C21orf91: variants seen among roughly 807,000 people sequenced by gnomAD.
C21orf91 encodes chromosome 21 open reading frame 91.
A neutral mutation model predicts 32.9 loss-of-function variants in C21orf91; 26 were observed. The observed-to-expected ratio is 0.79, with a 90% confidence interval of 0.58 to 1.10. The LOEUF is 1.10. Ranked by LOEUF, C21orf91 falls within the 50% of genes least tolerant of loss-of-function variation. The pLI, the probability that C21orf91 is intolerant of heterozygous loss-of-function variation, is 0.00. For synonymous variants in C21orf91, 126 were observed against 120.4 expected (o/e 1.05, Z -0.31); for missense variants, 310 against 341.3 (o/e 0.91, Z 0.72).
chr21:17,796,676 A>T lies in C21orf91; in HGVS notation c.570T>A (p.Pro190=). 1 of 1,613,478 alleles carries T rather than the reference A, an allele frequency of 6.2e-7. No individual in the cohort carries two copies. Among genetic ancestry groups the T allele is most frequent in the African/African-American group, 1.3e-5 (1 of 75,040 alleles). ...ATLCRNSVLW[P]HSHNQAQKKE... is the part of the protein sequence containing the mutation. ...TTTTCTGTGCCTGGTTGTGACTATGAGGCCACAATACACTGTTACGACATA... is the reference window on the plus strand; with the variant it reads ...TTTTCTGTGCCTGGTTGTGACTATGTGGCCACAATACACTGTTACGACATA... The change falls in exon 3 of 5, where the codon CCT becomes CCA. Residue 190 remains proline, a synonymous_variant. Transcript: ENST00000284881.
At chr21:17,802,536 T>A (rs1001493931) in intron 2 of C21orf91, among the ~76,000 whole-genome samples, 1 of 152,222 alleles carries the variant, frequency 6.6e-6, no homozygotes, top group Non-Finnish European at 1.5e-5. Flanking sequence ...AATTCACCAA[T>A]TGTAGGAACA....
At chr21:17,810,060 T>C (rs1414159169) in intron 2 of C21orf91, among the ~76,000 whole-genome samples, 1 of 152,324 alleles carries the variant, frequency 6.6e-6, no homozygotes, top group African/African-American at 2.4e-5. Flanking sequence ...TCCTAACAGA[T>C]GGTATGACAA....
At position 17,793,281 on chromosome 21, in the gene C21orf91, G is replaced by T; in HGVS notation, c.*134C>A. 1.8e-6 allele frequency: 1 copy of T among 563,352 alleles called. No individual in the cohort carries two copies. The highest frequency in any genetic ancestry group is 3.1e-6 in the Non-Finnish European group (1 of 323,772). The allele number at this position is 563,352 out of a possible 1,614,324, so 34.9% of individuals were successfully genotyped here. ...ATGATCTGCTTTATTTGACAAAGAT[G>T]TTAAATACTGCCTTATGTTTGGCAA... On this transcript the variant is annotated 3_prime_UTR_variant, in exon 5 of 5. Transcript: ENST00000284881.
chr21:17,808,673 T>A (rs972959757), intron 2 of C21orf91, among the ~76,000 whole-genome samples: 2 of 152,232 alleles, frequency 1.3e-5, no homozygotes, highest in Admixed American at 6.5e-5. Context: ...CAGAAAGGAC[T>A]TGCTGTCTCT....
chr21:17,802,556 C>G (rs78483217), intron 2 of C21orf91, among the ~76,000 whole-genome samples: 1 of 151,896 alleles, frequency 6.6e-6, no homozygotes, highest in Non-Finnish European at 1.5e-5. Flanking sequence ...AATTTTTTTT[C>G]GTAACAAAAA....
Position 17,789,392 on chromosome 21 carries a change from C to A in C21orf91, c.*4023G>T, listed in dbSNP as rs1049644153. On this transcript the variant is annotated 3_prime_UTR_variant, in exon 5 of 5. Coordinates refer to ENST00000284881, the MANE Select transcript of C21orf91 (RefSeq NM_001100420.2). Reference sequence around the variant, plus strand: ...AGATGCGTCTGAAAGAAACAAGGTACACACACTTACTAAAATTCCCCTTTG... The same window carrying A: ...AGATGCGTCTGAAAGAAACAAGGTAAACACACTTACTAAAATTCCCCTTTG... 1 of 152,114 alleles carries A rather than the reference C, an allele frequency of 6.6e-6. No individual in the cohort carries two copies. Among genetic ancestry groups the A allele is most frequent in the Non-Finnish European group, 1.5e-5 (1 of 67,996 alleles). The allele number at this position is 152,114 out of a possible 1,614,324, so 9.4% of individuals were successfully genotyped here.
At chr21:17,802,133 T>A (rs1416796997) in intron 2 of C21orf91, among the ~76,000 whole-genome samples, 1 of 152,194 alleles carries the variant, frequency 6.6e-6, no homozygotes. Context: ...ACTACTCAAA[T>A]GTTTAGATGT....
intron 3 of C21orf91, among the ~76,000 whole-genome samples, chr21:17,795,578 T>C (rs2062511292): frequency 6.6e-6 from 1 of 152,164 alleles, no homozygotes; most frequent in South Asian, 2.1e-4. Context: ...TGGGCTCAAG[T>C]GATTCCTCCC....
At chr21:17,799,963 GTAAT>G (rs946380890) in intron 2 of C21orf91, among the ~76,000 whole-genome samples, 5 of 152,120 alleles carry the variant, frequency 3.3e-5, no homozygotes, top group African/African-American at 9.7e-5. Context: ...TACTCAGCGG[GTAAT>G]TAAAGGTGTC....
chr21:17,818,361 C>A (rs1369991848), intron 1 of C21orf91, 36 bp from the exon 2 acceptor site: 78 of 1,566,534 alleles, frequency 5.0e-5, no homozygotes, highest in Non-Finnish European at 6.7e-5. Flanking sequence ...TACACAATTT[C>A]ATGAACCTGC....
In C21orf91 at chr21:17,818,223, GA is replaced by G; in HGVS notation, c.95del (p.Phe32SerfsTer8). ...TATTTAGCTCAAAACAAATGTGGCA[GA>G]AGGAGAGTGTTTCTTTGTCTGTTCC... Reference protein sequence around the residue: ...KLGTDKETLSFCHICFELNIE... With the variant: ...KLGTDKETLSXCHICFELNIE... On this transcript the variant is annotated frameshift_variant, in exon 2 of 5. Coordinates refer to ENST00000284881, the MANE Select transcript of C21orf91 (RefSeq NM_001100420.2). LOFTEE classifies it high-confidence loss of function. 1.9e-6 allele frequency: 3 copies of G among 1,610,112 alleles called. No homozygotes were observed. Among genetic ancestry groups the G allele is most frequent in the Non-Finnish European group, 2.6e-6 (3 of 1,176,426 alleles).
intron 2 of C21orf91, among the ~76,000 whole-genome samples, chr21:17,816,030 G>GT (rs1209789875): frequency 6.6e-6 from 1 of 152,222 alleles, no homozygotes; most frequent in African/African-American, 2.4e-5. Flanking sequence ...ATGCGTATTT[G>GT]TGAGAGCTGA....
chr21:17,795,277 C>T lies in C21orf91; in HGVS notation c.665-7G>A, dbSNP rs1174774714. On this transcript the variant is annotated splice_region_variant and splice_polypyrimidine_tract_variant and intron_variant, in intron 3 of 4. Coordinates refer to ENST00000284881, the MANE Select transcript of C21orf91 (RefSeq NM_001100420.2). ...CCAAGAGTCATCGAATTCACTGAAA[C>T]ATGAAAATGTATTCACTATTACCAC... 1.3e-6 allele frequency: 2 copies of T among 1,591,428 alleles called. No individual in the cohort carries two copies. Among genetic ancestry groups the T allele is most frequent in the South Asian group, 2.2e-5 (2 of 90,650 alleles).
intron 2 of C21orf91, among the ~76,000 whole-genome samples, chr21:17,800,892 GT>G (rs1302469980): frequency 6.6e-6 from 1 of 151,980 alleles, no homozygotes; most frequent in Non-Finnish European, 1.5e-5. Context: ...TAAAGTATGG[GT>G]TTCTTAACAG....
At chr21:17,804,721 C>T (rs1209502154) in intron 2 of C21orf91, among the ~76,000 whole-genome samples, 3 of 152,166 alleles carry the variant, frequency 2.0e-5, no homozygotes, top group Non-Finnish European at 4.4e-5. Flanking sequence ...AGGATTAAAA[C>T]AGTTAATCAA....
In C21orf91 at chr21:17,806,733, G is replaced by A. The variant is rs1320831707; in HGVS notation, c.128-9615C>T. Among the ~76,000 whole-genome samples the A allele has an allele frequency of 3.3e-5, 5 of 152,180 alleles. No homozygotes were observed. In the East Asian group the frequency reaches 5.8e-4, roughly 18 times the overall value. Reference sequence around the variant, plus strand: ...CAGGTACCTGTAATCCCAGCTACTCGGGAGGCTGAGGCAGAAGAATCACTT... The same window carrying A: ...CAGGTACCTGTAATCCCAGCTACTCAGGAGGCTGAGGCAGAAGAATCACTT... On this transcript the variant is annotated intron_variant, in intron 2 of 4. Coordinates refer to ENST00000284881, the MANE Select transcript of C21orf91 (RefSeq NM_001100420.2).
chr21:17,818,363 T>C (rs1214962209), intron 1 of C21orf91, 38 bp from the exon 2 acceptor site: 14 of 1,563,832 alleles, frequency 9.0e-6, no homozygotes, highest in Non-Finnish European at 1.1e-5. Context: ...CACAATTTCA[T>C]GAACCTGCCT....
At chr21:17,809,579 T>C (rs1016354502) in intron 2 of C21orf91, among the ~76,000 whole-genome samples, 1 of 152,198 alleles carries the variant, frequency 6.6e-6, no homozygotes, top group Non-Finnish European at 1.5e-5. Flanking sequence ...TATATTTGTA[T>C]AGCACTTCAG....
At chr21:17,808,221 C>T (rs2062610962) in intron 2 of C21orf91, among the ~76,000 whole-genome samples, 1 of 152,208 alleles carries the variant, frequency 6.6e-6, no homozygotes, top group South Asian at 2.1e-4. Context: ...CTAAAAGGGC[C>T]CAGGATATGT....
Sources: gnomAD v4.1 joint callset for allele counts (sites outside exome capture counted in the v4.1 genomes callset) on GRCh38, gnomAD v4.1.1 for gene constraint, MANE v1.5 for transcripts, NCBI Gene and HGNC (gene_info 2026-07-23, HGNC 2026-07-21) for gene names.